The following DOCK10 variants were observed in gnomAD, a reference collection of about 807,000 sequenced individuals.
DOCK10 encodes dedicator of cytokinesis 10, also known as dedicator of cytokinesis protein 10.
Under a neutral mutation model 280.1 loss-of-function variants are expected in DOCK10, and 145 were observed. That is an observed-to-expected ratio of 0.52 (90% CI 0.45 to 0.59). The LOEUF (loss-of-function observed/expected upper bound fraction) is 0.59, where lower values mean the gene tolerates loss of function less well. Ranked by LOEUF, DOCK10 falls within the 20% of genes least tolerant of loss-of-function variation. The pLI, the probability that DOCK10 is intolerant of heterozygous loss-of-function variation, is 0.00. For missense variants in DOCK10, 2,368 were observed against 2,651.7 expected (o/e 0.89, Z 2.35); for synonymous variants, 915 against 942.2 (o/e 0.97, Z 0.53).
chr2:224,946,768 C>A (rs1342279540), intron 1 of DOCK10: 2 of 1,119,454 alleles, frequency 1.8e-6, no homozygotes, highest in South Asian at 1.7e-5. Context: ...TGCTAGAATA[C>A]CACTGTAGAG....
At chr2:224,788,598 A>C (rs1691916392) in intron 48 of DOCK10, among the ~76,000 whole-genome samples, 1 of 152,110 alleles carries the variant, frequency 6.6e-6, no homozygotes, top group South Asian at 2.1e-4. Flanking sequence ...TATTTTCTTC[A>C]CCAGAACTAT....
chr2:225,027,009 C>T (rs536745996), intron 1 of DOCK10, among the ~76,000 whole-genome samples: 19 of 152,158 alleles, frequency 1.2e-4, no homozygotes, highest in Non-Finnish European at 2.6e-4. Context: ...AGTCCCCATA[C>T]ACAACTTATA....
chr2:224,831,766 T>G (rs1328895368), intron 26 of DOCK10, among the ~76,000 whole-genome samples: 1 of 152,102 alleles, frequency 6.6e-6, no homozygotes, highest in African/African-American at 2.4e-5. Context: ...CGCAAATAGC[T>G]CCTTAATGGG....
At chr2:224,984,218 T>C (rs1705896220) in intron 1 of DOCK10, among the ~76,000 whole-genome samples, 1 of 152,200 alleles carries the variant, frequency 6.6e-6, no homozygotes, top group Admixed American at 6.5e-5. Flanking sequence ...AACGCTTAAA[T>C]AGTAAACCAG....
intron 2 of DOCK10, among the ~76,000 whole-genome samples, chr2:224,917,068 T>C (rs976721389): frequency 1.6e-4 from 24 of 149,462 alleles, no homozygotes; most frequent in African/African-American, 5.8e-4. Context: ...TAGGCATCTA[T>C]ATGTTTTCAA....
At chr2:224,845,921 A>C (rs1696320063) in intron 19 of DOCK10, among the ~76,000 whole-genome samples, 1 of 152,048 alleles carries the variant, frequency 6.6e-6, no homozygotes, top group Non-Finnish European at 1.5e-5. Flanking sequence ...ACGGGGTTTC[A>C]CCATGTTGGC....
chr2:224,835,036 A>G (rs1695505539), intron 25 of DOCK10, among the ~76,000 whole-genome samples: 1 of 152,210 alleles, frequency 6.6e-6, no homozygotes, highest in East Asian at 1.9e-4. Context: ...GAAGGCAGGA[A>G]AGAGAAGGAA....
intron 8 of DOCK10, among the ~76,000 whole-genome samples, chr2:224,875,222 T>C (rs1559627142): frequency 6.6e-6 from 1 of 152,224 alleles, no homozygotes; most frequent in Non-Finnish European, 1.5e-5. Flanking sequence ...TACTATGGCA[T>C]ACAGTAGTTG....
At chr2:224,814,221 G>T in intron 31 of DOCK10, 99 bp downstream of exon 31, 2 of 578,150 alleles carry the variant, frequency 3.5e-6, no homozygotes, top group Non-Finnish European at 2.8e-6. Context: ...TATTAAATAT[G>T]TGAATATTTA....
At chr2:224,899,823 A>G (rs914412953) in intron 3 of DOCK10, among the ~76,000 whole-genome samples, 1 of 152,258 alleles carries the variant, frequency 6.6e-6, no homozygotes, top group African/African-American at 2.4e-5. Context: ...TGATAAAAAT[A>G]GAAAATTGCC....
intron 3 of DOCK10, among the ~76,000 whole-genome samples, chr2:224,906,637 C>A (rs1234039732): frequency 6.6e-6 from 1 of 152,184 alleles, no homozygotes; most frequent in Non-Finnish European, 1.5e-5. Flanking sequence ...TGCCACCATG[C>A]CCAGCTAATT....
At chr2:224,812,327 C>G (rs901945277) in intron 31 of DOCK10, among the ~76,000 whole-genome samples, 4 of 152,146 alleles carry the variant, frequency 2.6e-5, no homozygotes, top group Non-Finnish European at 4.4e-5. Flanking sequence ...GATTTTTGTA[C>G]ATTGATTTTG....
intron 3 of DOCK10, among the ~76,000 whole-genome samples, chr2:224,902,225 G>C (rs1700340989): frequency 1.3e-5 from 2 of 152,126 alleles, no homozygotes; most frequent in South Asian, 4.1e-4. Context: ...TAAAAGGGTT[G>C]ATTATTGAAT....
chr2:224,930,384 G>C (rs1479699678), intron 2 of DOCK10, among the ~76,000 whole-genome samples: 2 of 152,034 alleles, frequency 1.3e-5, no homozygotes, highest in African/African-American at 4.8e-5. Context: ...ATCTCTGCAC[G>C]AGATAAGTCT....
rs1402179082 is a variant in DOCK10 at position 224,775,120 on chromosome 2, G to A, written c.5803-5C>T. 6.2e-7 allele frequency: 1 copy of A among 1,613,840 alleles called. No homozygotes were observed. Among genetic ancestry groups the A allele is most frequent in the East Asian group, 2.2e-5 (1 of 44,878 alleles). ...GTCCAAATCCTTGGGGTTTACCTGT[G>A]TTAACAGATTATGGGCAAAGTGAGT... On this transcript the variant is annotated splice_polypyrimidine_tract_variant and splice_region_variant and intron_variant, in intron 51 of 55. Coordinates refer to ENST00000258390, the MANE Select transcript of DOCK10 (RefSeq NM_014689.3).
At chr2:224,982,515 G>C in intron 1 of DOCK10, 1 of 1,224,704 alleles carries the variant, frequency 8.2e-7, no homozygotes, top group Non-Finnish European at 1.0e-6. Flanking sequence ...ATCTGATCAT[G>C]GCCAAATAGC....
At chr2:224,919,368 T>C (rs1228905565) in intron 2 of DOCK10, among the ~76,000 whole-genome samples, 2 of 150,894 alleles carry the variant, frequency 1.3e-5, no homozygotes, top group African/African-American at 4.9e-5. Context: ...TGTGTCTGTA[T>C]AGGTGGTGTG....
At chr2:224,967,718 G>A (rs1327553350) in intron 1 of DOCK10, among the ~76,000 whole-genome samples, 1 of 151,406 alleles carries the variant, frequency 6.6e-6, no homozygotes, top group Non-Finnish European at 1.5e-5. Context: ...AAGAGTCATG[G>A]AAATCCATAT....
chr2:224,846,776 T>C (rs1696383335), intron 19 of DOCK10, among the ~76,000 whole-genome samples: 1 of 152,168 alleles, frequency 6.6e-6, no homozygotes, highest in African/African-American at 2.4e-5. Flanking sequence ...ATTACAGGCA[T>C]GAGCCACTGT....
Sources: gnomAD v4.1 joint callset for allele counts (sites outside exome capture counted in the v4.1 genomes callset) on GRCh38, gnomAD v4.1.1 for gene constraint, MANE v1.5 for transcripts, NCBI Gene and HGNC (gene_info 2026-07-23, HGNC 2026-07-21) for gene names.